Variants in FHIT observed in about 807,000 individuals in gnomAD.
The protein encoded by FHIT is fragile histidine triad diadenosine triphosphatase, also known as bis(5'-adenosyl)-triphosphatase.
A neutral mutation model predicts 17.9 loss-of-function variants in FHIT; 19 were observed. That is an observed-to-expected ratio of 1.06 (90% CI 0.74 to 1.56). The LOEUF (loss-of-function observed/expected upper bound fraction) is 1.56, where lower values mean the gene tolerates loss of function less well. FHIT is among the 40% of genes most tolerant of loss of function. FHIT has a pLI of 0.00. For synonymous variants in FHIT, 81 were observed against 69.7 expected (o/e 1.16, Z -0.81); for missense variants, 248 against 189.2 (o/e 1.31, Z -1.82).
intron 5 of FHIT, among the ~76,000 whole-genome samples, chr3:60,248,131 G>T (rs574436117): frequency 6.6e-6 from 1 of 152,034 alleles, no homozygotes; most frequent in South Asian, 2.1e-4. Context: ...AAGCTGCCTC[G>T]TTATAAAAAA....
At chr3:60,280,904 G>A (rs968727356) in intron 5 of FHIT, among the ~76,000 whole-genome samples, 5 of 71,480 alleles carry the variant, frequency 7.0e-5, no homozygotes, top group African/African-American at 2.8e-4. Flanking sequence ...AACTGTTTTT[G>A]CTCTCATGAT....
At chr3:60,927,537 A>G (rs1481101793) in intron 3 of FHIT, among the ~76,000 whole-genome samples, 5 of 151,430 alleles carry the variant, frequency 3.3e-5, no homozygotes, top group African/African-American at 9.7e-5. Context: ...GTAGGAAGTG[A>G]GGAGCGTCTC....
At chr3:61,217,205 G>A (rs1192436240) in intron 1 of FHIT, among the ~76,000 whole-genome samples, 4 of 152,016 alleles carry the variant, frequency 2.6e-5, no homozygotes, top group South Asian at 2.1e-4. Context: ...CGGTTTCTAC[G>A]GATCAAGAAT....
At chr3:59,806,256 G>C (rs1700192172) in intron 8 of FHIT, among the ~76,000 whole-genome samples, 3 of 151,894 alleles carry the variant, frequency 2.0e-5, no homozygotes, top group African/African-American at 7.3e-5. Context: ...CATGTGTTAT[G>C]TGGCAAGAGG....
At chr3:60,226,489 A>AAAAAAAAAAC (rs1704210123) in intron 5 of FHIT, among the ~76,000 whole-genome samples, 1 of 151,296 alleles carries the variant, frequency 6.6e-6, no homozygotes, top group Non-Finnish European at 1.5e-5. Context: ...AAAAAAAAAA[A>AAAAAAAAAAC]AAAAACACTG....
chr3:59,895,909 GTCCAAT>G (rs1704048029), intron 8 of FHIT, among the ~76,000 whole-genome samples: 1 of 152,020 alleles, frequency 6.6e-6, no homozygotes, highest in East Asian at 1.9e-4. Context: ...TAACCAAATT[GTCCAAT>G]TCCTTTGCTT....
rs2038827773 is a variant in FHIT at position 60,612,820 on chromosome 3, T to G, written c.-17-75841A>C. Reference sequence around the variant, plus strand: ...CATCTCCTCAGGCTGTGGCAGACATTATTAATCAATAACAGAATCCTTCCC... The same window carrying G: ...CATCTCCTCAGGCTGTGGCAGACATGATTAATCAATAACAGAATCCTTCCC... On this transcript the variant is annotated intron_variant, in intron 4 of 9. Coordinates refer to ENST00000492590, the MANE Select transcript of FHIT (RefSeq NM_002012.4). Among the ~76,000 whole-genome samples the G allele has an allele frequency of 1.3e-5, 2 of 152,208 alleles. 1 individual carries two copies. The highest frequency in any genetic ancestry group is 4.1e-4 in the South Asian group (2 of 4,826).
intron 5 of FHIT, among the ~76,000 whole-genome samples, chr3:60,119,161 C>T (rs1705129906): frequency 6.6e-6 from 1 of 151,870 alleles, no homozygotes; most frequent in Non-Finnish European, 1.5e-5. Flanking sequence ...GCAATCTCTC[C>T]CTCCCAGGTT....
intron 5 of FHIT, among the ~76,000 whole-genome samples, chr3:60,399,796 T>A (rs1375176882): frequency 6.6e-6 from 1 of 152,176 alleles, no homozygotes; most frequent in African/African-American, 2.4e-5. Flanking sequence ...TCTCATTAGC[T>A]ATGATACATA....
At chr3:61,141,631 C>A (rs9857606) in intron 2 of FHIT, among the ~76,000 whole-genome samples, 70,820 of 149,864 alleles carry the variant, frequency 0.47, 18,276 homozygotes, top group East Asian at 0.86. Context: ...CTTCTTTTTT[C>A]TAGCCTGAGT....
intron 4 of FHIT, among the ~76,000 whole-genome samples, chr3:60,547,428 A>G (rs190837480): frequency 6.6e-6 from 1 of 152,214 alleles, no homozygotes; most frequent in South Asian, 2.1e-4. Context: ...CTCTCTTTAT[A>G]AACAAACAGA....
intron 5 of FHIT, among the ~76,000 whole-genome samples, chr3:60,209,430 T>C (rs1000154573): frequency 6.6e-6 from 1 of 152,150 alleles, no homozygotes; most frequent in African/African-American, 2.4e-5. Flanking sequence ...AATGTGTCAT[T>C]CACTATGTGA....
intron 8 of FHIT, among the ~76,000 whole-genome samples, chr3:59,913,242 C>T (rs563303527): frequency 2.6e-5 from 4 of 151,900 alleles, no homozygotes; most frequent in Non-Finnish European, 5.9e-5. Context: ...TAAGGTTGAA[C>T]AGGGATATGA....
chr3:60,358,661 A>T (rs1312053296), intron 5 of FHIT, among the ~76,000 whole-genome samples: 1 of 152,212 alleles, frequency 6.6e-6, no homozygotes, highest in Non-Finnish European at 1.5e-5. Context: ...GGCTGATAAC[A>T]CAGATACAAC....
intron 3 of FHIT, among the ~76,000 whole-genome samples, chr3:60,896,544 T>C (rs1705831166): frequency 6.6e-6 from 1 of 152,132 alleles, no homozygotes; most frequent in African/African-American, 2.4e-5. Flanking sequence ...ACAAAGTAAT[T>C]TCAGAATTGT....
At chr3:60,273,812 G>A (rs1270714261) in intron 5 of FHIT, among the ~76,000 whole-genome samples, 3 of 152,116 alleles carry the variant, frequency 2.0e-5, no homozygotes, top group Non-Finnish European at 4.4e-5. Context: ...TGAGAGCTGA[G>A]TCTTCCTGAA....
In FHIT at chr3:61,067,618, C is replaced by A. The variant is rs528208683; in HGVS notation, c.-163-25519G>T. Among the ~76,000 whole-genome samples the A allele has an allele frequency of 2.6e-5, 4 of 152,214 alleles. No individual in the cohort carries two copies. The South Asian group carries it at 8.3e-4, about 32-fold the overall frequency. Reference sequence around the variant, plus strand: ...CAGAGGTCAAATTGATACAACATAGCCCAGGGCTTCAGGTGAACAGAAACA... The same window carrying A: ...CAGAGGTCAAATTGATACAACATAGACCAGGGCTTCAGGTGAACAGAAACA... On this transcript the variant is annotated intron_variant, in intron 2 of 9. Transcript: ENST00000492590.
chr3:60,528,688 A>G (rs1451984781), intron 5 of FHIT, among the ~76,000 whole-genome samples: 3 of 152,172 alleles, frequency 2.0e-5, no homozygotes, highest in Non-Finnish European at 4.4e-5. Flanking sequence ...TTCTCCCTCT[A>G]AAATCTCCCT....
intron 5 of FHIT, among the ~76,000 whole-genome samples, chr3:60,278,837 A>C (rs1334227650): frequency 2.0e-5 from 3 of 152,192 alleles, no homozygotes; most frequent in Non-Finnish European, 4.4e-5. Context: ...TTTTAAACTA[A>C]ATAAAAATGA....
Sources: gnomAD v4.1 joint callset for allele counts (sites outside exome capture counted in the v4.1 genomes callset) on GRCh38, gnomAD v4.1.1 for gene constraint, MANE v1.5 for transcripts, NCBI Gene and HGNC (gene_info 2026-07-23, HGNC 2026-07-21) for gene names.